Variants in CYP4F3 observed in about 807,000 individuals in gnomAD.
The protein encoded by CYP4F3 is cytochrome P450 4F3.
A neutral mutation model predicts 54.8 loss-of-function variants in CYP4F3; 50 were observed. The ratio of observed to expected loss-of-function variants is 0.91; its 90% confidence interval spans 0.73 to 1.16. The LOEUF (loss-of-function observed/expected upper bound fraction) is 1.16, where lower values mean the gene tolerates loss of function less well. CYP4F3 is among the 50% of genes most tolerant of loss of function. The pLI is 0.00. For missense variants in CYP4F3, 715 were observed against 676.2 expected (o/e 1.06, Z -0.64); for synonymous variants, 244 against 262.6 (o/e 0.93, Z 0.69).
chr19:15,659,997 A>C lies in CYP4F3; in HGVS notation c.*612A>C, dbSNP rs1032958692. 1 of 152,220 alleles carries C rather than the reference A, an allele frequency of 6.6e-6. No homozygotes were observed. Among genetic ancestry groups the C allele is most frequent in the Admixed American group, 6.5e-5 (1 of 15,286 alleles). 9.4% of individuals were successfully genotyped at this position (152,220 alleles called of 1,614,324 possible). The stretch of plus-strand genomic sequence containing the variant: ...TTGGACACTTTAGAATGGTTGAAAT[A>C]GTGATTTTTATGTGAATTCTACCTA... On this transcript the variant is annotated 3_prime_UTR_variant, in exon 13 of 13. Coordinates refer to ENST00000221307, the MANE Select transcript of CYP4F3 (RefSeq NM_000896.3).
intron 9 of CYP4F3, among the ~76,000 whole-genome samples, chr19:15,654,940 A>G (rs1972973214): frequency 6.6e-6 from 1 of 151,932 alleles, no homozygotes; most frequent in Admixed American, 6.6e-5. Flanking sequence ...TTCTTGAGGA[A>G]CCTCTGTGCT....
chr19:15,650,234 A>G (rs1048049653), intron 7 of CYP4F3, 51 bp downstream of exon 7: 16 of 1,614,074 alleles, frequency 9.9e-6, no homozygotes, highest in Non-Finnish European at 1.2e-5. Flanking sequence ...GCTTCATGTG[A>G]AATGTCAGAT....
Position 15,650,676 on chromosome 19 carries a change from C to CTTTCTTTCTTTCTTTCTTT in CYP4F3, c.918+494_918+512dup, listed in dbSNP as rs1568397525. On this transcript the variant is annotated intron_variant, in intron 7 of 12. Transcript: ENST00000221307. ...CTGCCTTCTTTTTCTTTCTTTCTTT[C>CTTTCTTTCTTTCTTTCTTT]TTTCTTTCTTTCTTTCTTTCTTTCT... is the stretch of plus-strand genomic sequence containing the variant. 5.2e-3 allele frequency among the ~76,000 whole-genome samples: 261 copies of CTTTCTTTCTTTCTTTCTTT among 50,384 alleles called. 19 individuals carry two copies. Among genetic ancestry groups the CTTTCTTTCTTTCTTTCTTT allele is most frequent in the African/African-American group, 0.026 (229 of 8,792 alleles). 33.1% of individuals were successfully genotyped at this position (50,384 alleles called of 152,430 possible). A position where few individuals can be genotyped will look rare whatever the true frequency, so the allele number is the denominator to read the frequency against.
At chr19:15,647,434 C>G in intron 5 of CYP4F3, 110 bp downstream of exon 5, 1 of 1,515,072 alleles carries the variant, frequency 6.6e-7, no homozygotes, top group South Asian at 1.3e-5. Context: ...CCATTGTCTT[C>G]CTCTCTGAGC....
rs376922016 is a variant in CYP4F3 at position 15,662,272 on chromosome 19, C to CAAAAAAAAAAAAAAAAAAAAAAAAAAAAA, written c.*2907_*2908insAAAAAAAAAAAAAAAAAAAAAAAAAAAAA. ...GGTGAAAGAGCTAGATTCTCTCTCT[C>CAAAAAAAAAAAAAAAAAAAAAAAAAAAAA]AAAAAAAAAAAAAAAAAAAAGGAAA... On this transcript the variant is annotated 3_prime_UTR_variant, in exon 13 of 13. Coordinates refer to ENST00000221307, the MANE Select transcript of CYP4F3 (RefSeq NM_000896.3). The CAAAAAAAAAAAAAAAAAAAAAAAAAAAAA allele has an allele frequency of 6.8e-5, 5 of 73,674 alleles. 1 individual carries two copies. Among genetic ancestry groups the CAAAAAAAAAAAAAAAAAAAAAAAAAAAAA allele is most frequent in the African/African-American group, 1.6e-4 (2 of 12,354 alleles). 4.6% of individuals were successfully genotyped at this position (73,674 alleles called of 1,614,324 possible).
rs200532066 is a variant in CYP4F3 at position 15,645,908 on chromosome 19, C to T, written c.343+45C>T. 99 of 1,528,102 alleles carry T rather than the reference C, an allele frequency of 6.5e-5. 1 individual carries two copies. The East Asian group carries it at 6.7e-4, about 10-fold the overall frequency. 94.7% of individuals were successfully genotyped at this position (1,528,102 alleles called of 1,614,324 possible). On this transcript the variant is annotated intron_variant, in intron 3 of 12. Transcript: ENST00000221307. Reference sequence around the variant, plus strand: ...CTCCAGGTAGACACTGCACTGGCCACGCCTTGCCCACAGCTGGGGTCTCTG... The same window carrying T: ...CTCCAGGTAGACACTGCACTGGCCATGCCTTGCCCACAGCTGGGGTCTCTG...
At position 15,658,336 on chromosome 19, in the gene CYP4F3, T is replaced by C. The variant is rs1973083935; in HGVS notation, c.1188T>C (p.Pro396=). 6.2e-7 allele frequency: 1 copy of C among 1,614,032 alleles called. No homozygotes were observed. The highest frequency in any genetic ancestry group is 8.5e-7 in the Non-Finnish European group (1 of 1,180,038). The change falls in exon 10 of 13, where the codon CCT becomes CCC. Residue 396 remains proline (P), a synonymous_variant. Coordinates refer to ENST00000221307, the MANE Select transcript of CYP4F3 (RefSeq NM_000896.3). Reference sequence around the variant, plus strand: ...GCCTGAGGCTGCATCCCCCAGTCCCTGCCGTCTCTCGCTGCTGCACCCAAG... The same window carrying C: ...GCCTGAGGCTGCATCCCCCAGTCCCCGCCGTCTCTCGCTGCTGCACCCAAG... The part of the protein sequence containing the change: ...KESLRLHPPV[P]AVSRCCTQDI...
chr19:15,651,893 G>T (rs1016550088), intron 7 of CYP4F3, among the ~76,000 whole-genome samples: 1 of 152,198 alleles, frequency 6.6e-6, no homozygotes, highest in Non-Finnish European at 1.5e-5. Flanking sequence ...AGCAGCTCAT[G>T]TCTTGCTTAC....
rs1973126370 is a variant in CYP4F3 at position 15,659,259 on chromosome 19, G to A, written c.1437G>A (p.Lys479=). 1 of 1,612,856 alleles carries A rather than the reference G, an allele frequency of 6.2e-7. No homozygotes were observed. Among genetic ancestry groups the A allele is most frequent in the Non-Finnish European group, 8.5e-7 (1 of 1,179,808 alleles). Residue 479 remains lysine, a synonymous_variant, in exon 13 of 13, where the codon AAG becomes AAA. Coordinates refer to ENST00000221307, the MANE Select transcript of CYP4F3 (RefSeq NM_000896.3). ...IGQAFAMAEM[K]VVLGLTLLRF... Reference sequence around the variant, plus strand: ...AGGCGTTCGCGATGGCGGAGATGAAGGTGGTCCTGGGGCTCACGCTGCTGC... The same window carrying A: ...AGGCGTTCGCGATGGCGGAGATGAAAGTGGTCCTGGGGCTCACGCTGCTGC...
chr19:15,649,204 C>T lies in CYP4F3; in HGVS notation c.570C>T (p.Asp190=). ...CCTCAGAGGGTAGTGCCCGTCTGGA[C>T]ATGTTTGAGCACATCAGCCTCATGA... ...LLASEGSARL[D]MFEHISLMTL... Residue 190 remains aspartate (D), a synonymous_variant, in exon 6 of 13, where the codon GAC becomes GAT. Coordinates refer to ENST00000221307, the MANE Select transcript of CYP4F3 (RefSeq NM_000896.3). 1 of 1,613,488 alleles carries T rather than the reference C, an allele frequency of 6.2e-7. No individual in the cohort carries two copies. The highest frequency in any genetic ancestry group is 1.1e-5 in the South Asian group (1 of 91,072).
At chr19:15,658,054 CT>C (rs1264497369) in intron 9 of CYP4F3, 1 of 931,630 alleles carries the variant, frequency 1.1e-6, no homozygotes, top group African/African-American at 1.8e-5. Flanking sequence ...ATTCTCATGT[CT>C]TTTTCTGAGC....
intron 9 of CYP4F3, among the ~76,000 whole-genome samples, chr19:15,656,529 A>ATG (rs1973022534): frequency 9.5e-6 from 1 of 105,666 alleles, no homozygotes; most frequent in African/African-American, 3.1e-5. Context: ...ATCTATTTCT[A>ATG]TCATCTATCA....
Position 15,650,064 on chromosome 19 carries a change from A to C in CYP4F3, c.799A>C (p.Thr267Pro). The C allele has an allele frequency of 6.2e-7, 1 of 1,614,130 alleles. No individual in the cohort carries two copies. Among genetic ancestry groups the C allele is most frequent in the South Asian group, 1.1e-5 (1 of 91,080 alleles). Reference protein sequence around the residue: ...RRACRLVHDFTDAVIQERRRT... With the variant: ...RRACRLVHDFPDAVIQERRRT... ...GGCCTGCCGCCTGGTGCACGACTTC[A>C]CAGATGCCGTCATCCAGGAGCGGCG... Residue 267 changes from threonine to proline, a missense_variant, in exon 7 of 13, where the codon ACA becomes CCA. Physicochemically the swap from Thr to Pro is conservative, Grantham distance 38 (BLOSUM62 -1). Transcript: ENST00000221307.
chr19:15,652,546 G>A, intron 7 of CYP4F3, 23 bp from the exon 8 acceptor site: 1 of 1,610,886 alleles, frequency 6.2e-7, no homozygotes, highest in Non-Finnish European at 8.5e-7. Flanking sequence ...GGTGGGGGTG[G>A]GGGGTTATTG....
intron 2 of CYP4F3, chr19:15,643,976 G>T: frequency 6.2e-7 from 1 of 1,607,130 alleles, no homozygotes; most frequent in Non-Finnish European, 8.5e-7. Flanking sequence ...GGGCTTTAAG[G>T]TCTGGATGGG....
chr19:15,644,313 A>C (rs1171765319), intron 2 of CYP4F3, among the ~76,000 whole-genome samples: 1 of 152,068 alleles, frequency 6.6e-6, no homozygotes, highest in Non-Finnish European at 1.5e-5. Context: ...TCCTGGAGGA[A>C]CCCCCAAGCT....
intron 2 of CYP4F3, chr19:15,644,017 C>T (rs761256236): frequency 8.1e-6 from 13 of 1,602,368 alleles, no homozygotes; most frequent in Non-Finnish European, 1.1e-5. Flanking sequence ...GTTTTTGCCA[C>T]CCCAACATCA....
chr19:15,645,693 A>G (rs1972602336), intron 2 of CYP4F3, 26 bp from the exon 3 acceptor site: 1 of 1,585,510 alleles, frequency 6.3e-7, no homozygotes. Flanking sequence ...GAGAGCATGA[A>G]TTGGGTCCTG....
chr19:15,651,823 GTC>G (rs1488873917), intron 7 of CYP4F3, among the ~76,000 whole-genome samples: 1 of 152,164 alleles, frequency 6.6e-6, no homozygotes, highest in East Asian at 1.9e-4. Flanking sequence ...ATGTCTGTGT[GTC>G]TATGTCTTTG....
Sources: gnomAD v4.1 joint callset for allele counts (sites outside exome capture counted in the v4.1 genomes callset) on GRCh38, gnomAD v4.1.1 for gene constraint, MANE v1.5 for transcripts, NCBI Gene and HGNC (gene_info 2026-07-23, HGNC 2026-07-21) for gene names.